Variants in NBPF11 observed in about 807,000 individuals in gnomAD.
NBPF11 encodes the protein NBPF family member NBPF11.
NBPF11 carries 72 observed loss-of-function variants against 93.9 expected under a neutral mutation model. That is an observed-to-expected ratio of 0.77 (90% CI 0.63 to 0.93). The LOEUF (loss-of-function observed/expected upper bound fraction) is 0.93, where lower values mean the gene tolerates loss of function less well. Among genes scored for constraint, NBPF11 ranks in the 40% least tolerant of loss-of-function variants. NBPF11 has a pLI of 0.00. For synonymous variants in NBPF11, 224 were observed against 304.9 expected, an observed-to-expected ratio of 0.73 and a Z score of 2.76; for missense variants, 705 against 802.2, an observed-to-expected ratio of 0.88 and a Z score of 1.46.
chr1:148,132,691 G>A (rs1176284603), intron 4 of NBPF11, among the ~76,000 whole-genome samples: 4 of 72,596 alleles, frequency 5.5e-5, no homozygotes, highest in Non-Finnish European at 2.8e-5. Flanking sequence ...AGTTTTTGGT[G>A]TACTGGCCTT....
chr1:148,127,601 TA>T (rs1185221436), intron 4 of NBPF11, among the ~76,000 whole-genome samples: 1 of 127,288 alleles, frequency 7.9e-6, no homozygotes, highest in Non-Finnish European at 1.6e-5. Context: ...AAGTCATAAA[TA>T]AAAAAATGGA....
chr1:148,123,541 C>T (rs1668394719), intron 7 of NBPF11, among the ~76,000 whole-genome samples: 1 of 151,536 alleles, frequency 6.6e-6, no homozygotes, highest in African/African-American at 2.4e-5. Flanking sequence ...ATTCTTAGCC[C>T]AGAGCTCTTT....
chr1:148,115,507 G>C (rs1252502031), intron 14 of NBPF11, among the ~76,000 whole-genome samples: 3 of 151,296 alleles, frequency 2.0e-5, no homozygotes, highest in Non-Finnish European at 4.4e-5. Context: ...GATGACAAGA[G>C]ATACTGAATC....
chr1:148,136,647 G>C (rs1390300276), intron 3 of NBPF11, among the ~76,000 whole-genome samples: 7 of 151,994 alleles, frequency 4.6e-5, no homozygotes, highest in Admixed American at 6.5e-5. Context: ...ATTTTGCCCA[G>C]CTCCATTTCC....
At chr1:148,118,212 T>G (rs1667012140) in intron 11 of NBPF11, among the ~76,000 whole-genome samples, 3 of 150,408 alleles carry the variant, frequency 2.0e-5, no homozygotes, top group South Asian at 4.2e-4. Context: ...AAGAAAAGAA[T>G]GACAGGGTCG....
intron 5 of NBPF11, among the ~76,000 whole-genome samples, chr1:148,126,090 T>G (rs1669040245): frequency 2.0e-5 from 3 of 152,096 alleles, no homozygotes; most frequent in South Asian, 4.1e-4. Flanking sequence ...AACATCTGCC[T>G]GCTGGGTTCA....
Position 148,122,082 on chromosome 1 carries a change from A to G in NBPF11, c.751T>C (p.Cys251Arg), listed in dbSNP as rs1226300205. 6 of 1,611,934 alleles carry G rather than the reference A, an allele frequency of 3.7e-6. No homozygotes were observed. Among genetic ancestry groups the G allele is most frequent in the Non-Finnish European group, 5.1e-6 (6 of 1,178,240 alleles). The change falls in exon 9 of 24, where the codon TGT becomes CGT. Residue 251 changes from cysteine (C) to arginine (R), a missense_variant. This residue lies in a region of NBPF11 where 262 missense variants were observed against 223.1 expected (regional missense o/e 1.17). Coordinates refer to ENST00000682118, the MANE Select transcript of NBPF11 (RefSeq NM_001385469.3). Reference protein sequence around the residue: ...VVDRESSHDGCQDALNILPVP... With the variant: ...VVDRESSHDGRQDALNILPVP... ...GGGAGAATGTTTAGAGCATCCTGAC[A>G]TCCATCATGAGAGGATTCTCTGTCT...
intron 16 of NBPF11, among the ~76,000 whole-genome samples, chr1:148,110,011 T>C (rs1409342437): frequency 6.7e-6 from 1 of 148,236 alleles, no homozygotes; most frequent in South Asian, 2.2e-4. Flanking sequence ...GGAACAAAAC[T>C]CATAAGGAAT....
At chr1:148,149,735 C>A (rs1464017788) in intron 1 of NBPF11, among the ~76,000 whole-genome samples, 10 of 150,720 alleles carry the variant, frequency 6.6e-5, no homozygotes, top group East Asian at 1.9e-4. Flanking sequence ...GCACTCCTTT[C>A]CTTTTGGAAG....
rs1267187957 is a variant in NBPF11 at position 148,151,561 on chromosome 1, C to A, written c.-549+189G>T. ...ACGAGAGGAGGGCTGCGGGCTGCAG[C>A]GGCAGGCGAGGAATCAAGCGCAGGG... On this transcript the variant is annotated intron_variant, in intron 1 of 23. Transcript: ENST00000682118. Among the ~76,000 whole-genome samples the A allele has an allele frequency of 3.3e-5, 5 of 152,106 alleles. No homozygotes were observed. The South Asian group carries it at 1.0e-3, about 32-fold the overall frequency.
rs1208196008 is a variant in NBPF11 at position 148,121,283 on chromosome 1, T to A, written c.779-573A>T. Reference sequence around the variant, plus strand: ...GGTTTCGAACTCCTGAGCTCAGGTGTTCCGCCCACCTTGGCCTCTCAAAGT... The same window carrying A: ...GGTTTCGAACTCCTGAGCTCAGGTGATCCGCCCACCTTGGCCTCTCAAAGT... On this transcript the variant is annotated intron_variant, in intron 9 of 23. Transcript: ENST00000682118. Among the ~76,000 whole-genome samples the A allele has an allele frequency of 3.3e-5, 5 of 151,636 alleles. 1 individual carries two copies. The highest frequency in any genetic ancestry group is 1.2e-4 in the African/African-American group (5 of 41,050).
chr1:148,122,610 A>G (rs1668125963), intron 8 of NBPF11, 119 bp downstream of exon 8: 4 of 1,442,652 alleles, frequency 2.8e-6, no homozygotes, highest in Non-Finnish European at 3.9e-6. Flanking sequence ...GTTGAATTTC[A>G]CATACTGTGG....
chr1:148,136,347 A>C (rs1671280495), intron 3 of NBPF11, among the ~76,000 whole-genome samples: 1 of 151,784 alleles, frequency 6.6e-6, no homozygotes, highest in Non-Finnish European at 1.5e-5. Context: ...GAATGGATAC[A>C]TTCTTGTATT....
chr1:148,106,645 T>A (rs1663698336), intron 20 of NBPF11, among the ~76,000 whole-genome samples: 1 of 144,988 alleles, frequency 6.9e-6, no homozygotes, highest in East Asian at 2.1e-4. Flanking sequence ...CTACAAACCC[T>A]TGAGTCCAAA....
At chr1:148,124,379 C>T (rs1477962455) in intron 6 of NBPF11, among the ~76,000 whole-genome samples, 4 of 150,240 alleles carry the variant, frequency 2.7e-5, no homozygotes, top group African/African-American at 9.9e-5. Context: ...TGGCCATGGA[C>T]ATTTCCATGT....
chr1:148,108,225 G>A (rs1355168147), intron 18 of NBPF11, among the ~76,000 whole-genome samples: 2 of 151,490 alleles, frequency 1.3e-5, no homozygotes, highest in African/African-American at 4.9e-5. Flanking sequence ...TGTCACATCT[G>A]CCCAGATCCA....
chr1:148,151,932 CGCT>C lies in NBPF11; in HGVS notation c.-734_-732del, dbSNP rs1648476053. ...CCTCACCTACCCCTCCCAGCACCGC[CGCT>C]ATCTCCACCGCCGCCCAGCAACTTG... On this transcript the variant is annotated 5_prime_UTR_variant, in exon 1 of 24. In the 5' UTR this introduces an upstream ATG that the reference lacks. Transcript: ENST00000682118. The C allele has an allele frequency of 6.5e-6, 1 of 153,368 alleles. No individual in the cohort carries two copies. Among genetic ancestry groups the C allele is most frequent in the African/African-American group, 2.4e-5 (1 of 41,314 alleles). 9.5% of individuals were successfully genotyped at this position (153,368 alleles called of 1,614,324 possible).
At chr1:148,142,285 C>T (rs1443220193) in intron 2 of NBPF11, among the ~76,000 whole-genome samples, 15 of 151,896 alleles carry the variant, frequency 9.9e-5, no homozygotes, top group Non-Finnish European at 2.1e-4. Flanking sequence ...TAGAGAGAGA[C>T]GCACTACTGT....
rs1662603225 is a variant in NBPF11, at chr1:148,102,719, G to T, written c.*1177C>A. 1 of 150,554 alleles carries T rather than the reference G, an allele frequency of 6.6e-6. No individual in the cohort carries two copies. Among genetic ancestry groups the T allele is most frequent in the South Asian group, 2.1e-4 (1 of 4,730 alleles). The allele number at this position is 150,554 out of a possible 1,614,324, so 9.3% of individuals were successfully genotyped here. ...ATCCATGACAACAACAAAAAGATGA[G>T]GAAATATTTGGGGTTCAAAATAACT... On this transcript the variant is annotated 3_prime_UTR_variant, in exon 24 of 24. Coordinates refer to ENST00000682118, the MANE Select transcript of NBPF11 (RefSeq NM_001385469.3).
Sources: allele counts gnomAD v4.1 joint callset (sites outside exome capture counted in the v4.1 genomes callset), GRCh38; gene constraint gnomAD v4.1.1; regional missense constraint gnomAD v4.1.1; transcripts MANE v1.5; gene names NCBI Gene and HGNC (gene_info 2026-07-23, HGNC 2026-07-21).